The following RGPD3 variants were observed in gnomAD, a reference collection of about 807,000 sequenced individuals.
RGPD3 encodes the protein ranBP2-like and GRIP domain-containing protein 3.
Under a neutral mutation model 154.5 loss-of-function variants are expected in RGPD3, and 62 were observed. The ratio of observed to expected loss-of-function variants is 0.40; its 90% CI spans 0.33 to 0.50. The LOEUF (loss-of-function observed/expected upper bound fraction) is 0.50. Among genes scored for constraint, RGPD3 ranks in the 20% least tolerant of loss-of-function variants. The pLI, the probability that RGPD3 is intolerant of heterozygous loss-of-function variation, is 0.59. For missense variants in RGPD3, 919 were observed against 1,716.8 expected (o/e 0.54, Z 8.21); for synonymous variants, 308 against 607.0 (o/e 0.51, Z 7.24).
At chr2:106,466,739 G>A (rs1296161830) in intron 1 of RGPD3, among the ~76,000 whole-genome samples, 22 of 51,532 alleles carry the variant, frequency 4.3e-4, no homozygotes, top group Admixed American at 2.0e-3. Context: ...AACAGAGCGC[G>A]CCAGGGAGCA....
chr2:106,434,175 C>G, intron 15 of RGPD3, 53 bp downstream of exon 15: 1 of 1,594,486 alleles, frequency 6.3e-7, no homozygotes, highest in Non-Finnish European at 8.6e-7. Context: ...AACGCAAAAA[C>G]ACTGACCAGT....
intron 1 of RGPD3, among the ~76,000 whole-genome samples, chr2:106,463,592 C>G (rs1481939258): frequency 1.6e-4 from 24 of 151,916 alleles, no homozygotes; most frequent in African/African-American, 5.8e-4. Context: ...AACAAAGGGT[C>G]TAACTCAGAA....
Position 106,424,141 on chromosome 2 carries a change from T to A in RGPD3, c.3826A>T (p.Ser1276Cys), listed in dbSNP as rs894452393. Residue 1276 changes from serine (S) to cysteine (C), a missense_variant, in exon 20 of 23, where the codon AGC (serine) becomes TGC (cysteine). By Grantham distance (112) the Ser-to-Cys change is moderately radical. Coordinates refer to ENST00000409886, the MANE Select transcript of RGPD3 (RefSeq NM_001144013.2). ...SSVHASPLAS[S>C]PVRKNLFHFD... ...TGGAAAAGATTTTTTCTCACAGGGC[T>A]ACTTGCCAATGGAGAAGCATGTACT... 20 of 1,602,988 alleles carry A rather than the reference T, an allele frequency of 1.2e-5. 1 individual carries two copies. Among genetic ancestry groups the A allele is most frequent in the Non-Finnish European group, 4.2e-6 (5 of 1,178,776 alleles).
intron 8 of RGPD3, among the ~76,000 whole-genome samples, 159 bp downstream of exon 8, chr2:106,441,134 C>T (rs1311675287): frequency 1.3e-5 from 2 of 151,924 alleles, no homozygotes; most frequent in Non-Finnish European, 2.9e-5. Context: ...TGTGCTATTT[C>T]TTCGCATCTC....
chr2:106,403,696 G>A lies in RGPD3; in HGVS notation c.*1523C>T, dbSNP rs1373608482. Among the ~76,000 whole-genome samples the A allele has an allele frequency of 9.8e-5, 15 of 152,390 alleles. No homozygotes were observed. The highest frequency in any genetic ancestry group is 5.8e-4 in the East Asian group (3 of 5,180). On this transcript the variant is annotated 3_prime_UTR_variant, in exon 23 of 23. Transcript: ENST00000409886. ...GTAAAAAAACTAAACTCTTCATGTCGGCTCTGAAATAGATGCATTTTCATT... is the reference window on the plus strand; with the variant it reads ...GTAAAAAAACTAAACTCTTCATGTCAGCTCTGAAATAGATGCATTTTCATT...
intron 1 of RGPD3, among the ~76,000 whole-genome samples, chr2:106,467,647 C>T (rs1476283363): frequency 3.6e-5 from 5 of 137,910 alleles, no homozygotes; most frequent in Admixed American, 7.1e-5. Flanking sequence ...CCACAGAGCG[C>T]GCCAGGGAGC....
At chr2:106,465,560 CT>C (rs761873994) in intron 1 of RGPD3, among the ~76,000 whole-genome samples, 19 of 136,690 alleles carry the variant, frequency 1.4e-4, no homozygotes, top group African/African-American at 2.2e-4. Flanking sequence ...TCTAAGCTTG[CT>C]TTTTTTTTTT....
At chr2:106,448,057 C>A (rs1445647940) in intron 6 of RGPD3, among the ~76,000 whole-genome samples, 1 of 149,402 alleles carries the variant, frequency 6.7e-6, no homozygotes, top group South Asian at 2.1e-4. Flanking sequence ...AGTATCAATA[C>A]AGTAATTGCT....
chr2:106,425,169 T>G lies in RGPD3; in HGVS notation c.2798A>C (p.Gln933Pro). 6.2e-7 allele frequency: 1 copy of G among 1,611,914 alleles called. No homozygotes were observed. The highest frequency in any genetic ancestry group is 2.3e-4 in the Middle Eastern group (1 of 4,430). ...FKFGISEPGN[Q>P]EKKSEKPLEN... ...AAGAGGCTTTTCACTTTTCTTTTCT[T>G]GATTTCCTGGTTCCGAAATGCCAAA... is the stretch of plus-strand genomic sequence containing the variant. The change falls in exon 20 of 23, where the codon CAA becomes CCA. Residue 933 changes from glutamine to proline, a missense_variant. Physicochemically the swap from Gln to Pro is moderately conservative, Grantham distance 76. Coordinates refer to ENST00000409886, the MANE Select transcript of RGPD3 (RefSeq NM_001144013.2).
intron 1 of RGPD3, among the ~76,000 whole-genome samples, chr2:106,463,344 C>A (rs568672354): frequency 7.9e-5 from 12 of 152,156 alleles, no homozygotes; most frequent in Non-Finnish European, 1.2e-4. Context: ...GGCATGGTGG[C>A]GCACACCTGT....
intron 22 of RGPD3, among the ~76,000 whole-genome samples, chr2:106,412,036 ACG>A (rs983137534): frequency 6.8e-6 from 1 of 147,374 alleles, no homozygotes; most frequent in African/African-American, 2.5e-5. Context: ...TCCCCTATTT[ACG>A]CCAAAAGATT....
At chr2:106,464,288 C>T (rs1678493835) in intron 1 of RGPD3, among the ~76,000 whole-genome samples, 1 of 148,476 alleles carries the variant, frequency 6.7e-6, no homozygotes, top group African/African-American at 2.5e-5. Context: ...TTGCAGTGAG[C>T]CGAGATCGCG....
chr2:106,460,838 CATAAAAAAAAAAAAAA>C (rs1678383590), intron 1 of RGPD3, among the ~76,000 whole-genome samples: 3 of 73,182 alleles, frequency 4.1e-5, no homozygotes, highest in African/African-American at 1.6e-4. Flanking sequence ...GATTCCATCT[CATAAAAAAAAAAAAAA>C]AAAAAAAAAA....
intron 1 of RGPD3, among the ~76,000 whole-genome samples, chr2:106,461,292 A>C (rs1271367680): frequency 2.1e-5 from 3 of 143,576 alleles, no homozygotes; most frequent in Non-Finnish European, 3.0e-5. Flanking sequence ...AACTGCCAGC[A>C]TCGCTACTCT....
chr2:106,426,821 C>G (rs1416041850), intron 18 of RGPD3, among the ~76,000 whole-genome samples: 4 of 152,346 alleles, frequency 2.6e-5, no homozygotes, highest in East Asian at 3.9e-4. Context: ...GAAACAGAAA[C>G]TGTGCCAAGA....
intron 1 of RGPD3, among the ~76,000 whole-genome samples, chr2:106,462,806 G>T (rs1287883924): frequency 6.6e-6 from 1 of 151,144 alleles, no homozygotes; most frequent in African/African-American, 2.4e-5. Flanking sequence ...CATCTGATCA[G>T]CTCCAAATCT....
At chr2:106,470,795 T>C, upstream of RGPD3, 1 of 1,601,612 alleles carries the variant, frequency 6.2e-7, no homozygotes, top group Non-Finnish European at 8.5e-7. Flanking sequence ...CTAGTCCTTT[T>C]CTTACCTCGT....
At chr2:106,468,159 G>C in intron 1 of RGPD3, 58 bp downstream of exon 1, 1 of 1,527,400 alleles carries the variant, frequency 6.5e-7, no homozygotes, top group South Asian at 1.2e-5. Context: ...CCGCCGGGCC[G>C]GGTCGAGGCC....
chr2:106,470,799 A>T, upstream of RGPD3: 2 of 1,601,420 alleles, frequency 1.2e-6, no homozygotes, highest in Admixed American at 3.5e-5. Context: ...TCCTTTTCTT[A>T]CCTCGTCCAA....
Sources: allele counts gnomAD v4.1 joint callset (sites outside exome capture counted in the v4.1 genomes callset), GRCh38; gene constraint gnomAD v4.1.1; transcripts MANE v1.5; gene names NCBI Gene and HGNC (gene_info 2026-07-23, HGNC 2026-07-21).